The following ADGRV1 variants were observed in gnomAD, a reference collection of about 807,000 sequenced individuals.
ADGRV1 encodes the protein adhesion G protein-coupled receptor V1.
A neutral mutation model predicts 596.2 loss-of-function variants in ADGRV1; 359 were observed. That is an observed-to-expected ratio of 0.60 (90% CI 0.55 to 0.66). The LOEUF (loss-of-function observed/expected upper bound fraction) is 0.66. Among genes scored for constraint, ADGRV1 ranks in the 30% least tolerant of loss-of-function variants. The pLI is 0.00. For synonymous variants in ADGRV1, 2,681 were observed against 2,679.2 expected (o/e 1.00, Z -0.02); for missense variants, 7,274 against 7,575.6 (o/e 0.96, Z 1.48).
intron 4 of ADGRV1, 119 bp from the exon 5 acceptor site, chr5:90,622,478 A>G: frequency 2.4e-6 from 1 of 419,028 alleles, no homozygotes; most frequent in Middle Eastern, 5.6e-4. Flanking sequence ...TCACATTCTT[A>G]TCGTACAGTG....
intron 60 of ADGRV1, 113 bp from the exon 61 acceptor site, chr5:90,776,340 A>T: frequency 1.1e-6 from 1 of 949,194 alleles, no homozygotes; most frequent in South Asian, 1.4e-5. Flanking sequence ...CTGATATGAG[A>T]GTCATGAGAA....
chr5:91,153,378 T>C lies in ADGRV1; in HGVS notation c.18782T>C (p.Leu6261Ser), dbSNP rs557331348. ...GAGGAGTCCCAGGAGTTTGATGATT[T>C]AATATTTGCATTAAAAACTGGTATG... ...ADEESQEFDD[L>S]IFALKTGAGL... The change falls in exon 89 of 90, where the codon TTA (leucine) becomes TCA (serine). Residue 6261 changes from leucine to serine, a missense_variant. Leu to Ser is a moderately radical substitution (Grantham distance 145, BLOSUM62 -2). Coordinates refer to ENST00000405460, the MANE Select transcript of ADGRV1 (RefSeq NM_032119.4). 2.7e-5 allele frequency: 44 copies of C among 1,605,292 alleles called. No individual in the cohort carries two copies. The Admixed American group carries it at 4.9e-4, about 18-fold the overall frequency.
intron 1 of ADGRV1, among the ~76,000 whole-genome samples, chr5:90,593,565 A>G (rs1386094209): frequency 1.3e-5 from 2 of 152,108 alleles, no homozygotes; most frequent in Non-Finnish European, 2.9e-5. Flanking sequence ...AAACCTGCGC[A>G]TTGTGCACAT....
At chr5:91,096,526 T>G (rs934173508) in intron 86 of ADGRV1, among the ~76,000 whole-genome samples, 3 of 152,212 alleles carry the variant, frequency 2.0e-5, no homozygotes, top group African/African-American at 7.2e-5. Context: ...TTTCCAGAAG[T>G]AATTTCTTTC....
At chr5:90,679,042 G>A (rs572615767) in intron 25 of ADGRV1, among the ~76,000 whole-genome samples, 28 of 152,272 alleles carry the variant, frequency 1.8e-4, no homozygotes, top group African/African-American at 6.7e-4. Context: ...CACAATGCCA[G>A]TGGCCAGAGG....
chr5:90,969,071 T>C (rs1289052716), intron 84 of ADGRV1, among the ~76,000 whole-genome samples: 1 of 109,076 alleles, frequency 9.2e-6, no homozygotes, highest in Non-Finnish European at 1.7e-5. Context: ...AGTTAGATTA[T>C]ATTTTAGAGT....
At position 91,119,932 on chromosome 5, in the gene ADGRV1, G is replaced by A. The variant is rs139866534; in HGVS notation, c.18432+17592G>A. Among the ~76,000 whole-genome samples the A allele has an allele frequency of 3.1e-3, 477 of 152,264 alleles. 1 individual carries two copies. Among genetic ancestry groups the A allele is most frequent in the African/African-American group, 0.011 (446 of 41,554 alleles). ...TTTGCTTGGCCTTTCGGACCCTTTT[G>A]GCAAAGGAAAATGGTTCTTACTAGT... is the stretch of plus-strand genomic sequence containing the variant. On this transcript the variant is annotated intron_variant, in intron 87 of 89. Transcript: ENST00000405460.
intron 86 of ADGRV1, among the ~76,000 whole-genome samples, chr5:91,096,868 A>G (rs1252639481): frequency 6.6e-6 from 1 of 152,068 alleles, no homozygotes; most frequent in African/African-American, 2.4e-5. Flanking sequence ...TTAAACAATA[A>G]CTCACTATTC....
intron 81 of ADGRV1, 149 bp downstream of exon 81, chr5:90,854,350 T>C: frequency 1.7e-6 from 1 of 581,034 alleles, no homozygotes; most frequent in Non-Finnish European, 2.9e-6. Flanking sequence ...GGAAGCAGCA[T>C]AGGAAATGGT....
chr5:90,902,203 T>G (rs550298837), intron 83 of ADGRV1, among the ~76,000 whole-genome samples: 7 of 152,280 alleles, frequency 4.6e-5, no homozygotes, highest in African/African-American at 1.7e-4. Context: ...TCCACGTTAT[T>G]TCTACCTTTA....
chr5:91,148,541 A>G (rs145440738), intron 87 of ADGRV1, among the ~76,000 whole-genome samples: 75 of 152,344 alleles, frequency 4.9e-4, no homozygotes, highest in African/African-American at 1.8e-3. Context: ...CCTATATTTC[A>G]GAGGGTATAT....
chr5:90,989,545 GTA>G (rs773085459), intron 85 of ADGRV1, among the ~76,000 whole-genome samples: 5 of 150,508 alleles, frequency 3.3e-5, no homozygotes, highest in Non-Finnish European at 5.9e-5. Context: ...GTCTTCTTTG[GTA>G]TGTTGCGTTG....
chr5:90,820,623 T>A (rs1425792507), intron 75 of ADGRV1, among the ~76,000 whole-genome samples: 8 of 151,226 alleles, frequency 5.3e-5, no homozygotes. Flanking sequence ...GGTGACAAAA[T>A]CTCTCAGCAT....
At chr5:90,737,564 T>C (rs1390253783) in intron 50 of ADGRV1, among the ~76,000 whole-genome samples, 1 of 151,994 alleles carries the variant, frequency 6.6e-6, no homozygotes, top group Non-Finnish European at 1.5e-5. Context: ...GCAGTCTATA[T>C]CACCCTTCAG....
At chr5:90,877,380 T>C (rs1769316333) in intron 83 of ADGRV1, among the ~76,000 whole-genome samples, 1 of 152,200 alleles carries the variant, frequency 6.6e-6, no homozygotes, top group African/African-American at 2.4e-5. Context: ...TGAGCAGAAC[T>C]GATGTATGGA....
intron 70 of ADGRV1, among the ~76,000 whole-genome samples, chr5:90,797,287 C>CAAAAAAAAAAAAAAAAAA (rs780696194): frequency 7.6e-5 from 2 of 26,350 alleles, no homozygotes; most frequent in Non-Finnish European, 1.5e-4. Flanking sequence ...AAATGAAAAG[C>CAAAAAAAAAAAAAAAAAA]AAAAAAAAAA....
At chr5:90,867,355 A>G (rs778698765) in intron 83 of ADGRV1, among the ~76,000 whole-genome samples, 21 of 152,204 alleles carry the variant, frequency 1.4e-4, no homozygotes, top group Non-Finnish European at 2.1e-4. Flanking sequence ...AGAAATGTGT[A>G]TAAGTCCGTA....
intron 53 of ADGRV1, among the ~76,000 whole-genome samples, chr5:90,750,975 T>G (rs1755186508): frequency 6.6e-6 from 1 of 152,190 alleles, no homozygotes; most frequent in Non-Finnish European, 1.5e-5. Flanking sequence ...CATTACATTG[T>G]TAGAAAGATA....
chr5:91,024,962 G>A (rs561289974), intron 85 of ADGRV1, among the ~76,000 whole-genome samples: 7 of 152,206 alleles, frequency 4.6e-5, no homozygotes, highest in Non-Finnish European at 1.0e-4. Context: ...ATTGTGCCAA[G>A]GTAAAAGGCT....
Sources: gnomAD v4.1 joint callset for allele counts (sites outside exome capture counted in the v4.1 genomes callset) on GRCh38, gnomAD v4.1.1 for gene constraint, MANE v1.5 for transcripts, NCBI Gene and HGNC (gene_info 2026-07-23, HGNC 2026-07-21) for gene names.